Variants in ASXL3 observed in about 807,000 individuals in gnomAD.
ASXL3 encodes ASXL transcriptional regulator 3.
Under a neutral mutation model 170.6 loss-of-function variants are expected in ASXL3, and 34 were observed. The observed-to-expected ratio is 0.20, with a 90% CI of 0.15 to 0.27. The LOEUF (loss-of-function observed/expected upper bound fraction) is 0.27. Among genes scored for constraint, ASXL3 ranks in the 10% least tolerant of loss-of-function variants. ASXL3 has a pLI of 1.00. For missense variants in ASXL3, 2,592 were observed against 2,695.3 expected (o/e 0.96, Z 0.85); for synonymous variants, 1,002 against 989.1 (o/e 1.01, Z -0.24).
At chr18:33,596,216 A>G (rs1437810835) in intron 1 of ASXL3, among the ~76,000 whole-genome samples, 2 of 152,212 alleles carry the variant, frequency 1.3e-5, no homozygotes, top group Non-Finnish European at 2.9e-5. Flanking sequence ...AAGAAGACAT[A>G]TAGCTTAGTT....
chr18:33,647,470 A>G (rs1229448572), intron 4 of ASXL3, among the ~76,000 whole-genome samples: 1 of 151,872 alleles, frequency 6.6e-6, no homozygotes, highest in African/African-American at 2.4e-5. Context: ...GTATCCCCCC[A>G]ATTGTTGTGG....
intron 8 of ASXL3, among the ~76,000 whole-genome samples, chr18:33,711,320 C>T (rs1331942514): frequency 6.6e-6 from 1 of 152,094 alleles, no homozygotes; most frequent in Non-Finnish European, 1.5e-5. Context: ...ATATTCTTCT[C>T]ATTTAATTTT....
chr18:33,658,117 G>A (rs2066112179), intron 4 of ASXL3, among the ~76,000 whole-genome samples: 1 of 152,070 alleles, frequency 6.6e-6, no homozygotes, highest in African/African-American at 2.4e-5. Flanking sequence ...TAAAACATCT[G>A]TCCTAATTCT....
intron 8 of ASXL3, among the ~76,000 whole-genome samples, chr18:33,700,024 G>A (rs2066844250): frequency 6.6e-6 from 1 of 152,048 alleles, no homozygotes; most frequent in Non-Finnish European, 1.5e-5. Context: ...TAAATAAGAT[G>A]TAAGTTAGAG....
At chr18:33,641,600 C>T (rs137862165) in intron 2 of ASXL3, among the ~76,000 whole-genome samples, 20 of 151,984 alleles carry the variant, frequency 1.3e-4, no homozygotes, top group Non-Finnish European at 1.5e-4. Context: ...GGGAAAAAAT[C>T]GAAGCCACCT....
chr18:33,727,490 G>A (rs1235407229), intron 8 of ASXL3, among the ~76,000 whole-genome samples: 2 of 152,074 alleles, frequency 1.3e-5, no homozygotes, highest in Non-Finnish European at 2.9e-5. Flanking sequence ...TACTTACCAA[G>A]AAAGAGTATA....
intron 8 of ASXL3, 42 bp from the exon 9 acceptor site, chr18:33,731,926 T>TA (rs1599554480): frequency 6.4e-7 from 1 of 1,558,898 alleles, no homozygotes; most frequent in East Asian, 2.2e-5. Flanking sequence ...TGCTTTGACT[T>TA]ATTCCTGATG....
intron 7 of ASXL3, among the ~76,000 whole-genome samples, chr18:33,674,923 T>C (rs2066402102): frequency 6.6e-6 from 1 of 152,024 alleles, no homozygotes; most frequent in African/African-American, 2.4e-5. Flanking sequence ...CAGCCACCCA[T>C]GTCTTTTTTA....
chr18:33,711,750 C>G (rs2067068220), intron 8 of ASXL3, among the ~76,000 whole-genome samples: 1 of 151,992 alleles, frequency 6.6e-6, no homozygotes, highest in Admixed American at 6.6e-5. Context: ...TATGGGGATC[C>G]CTTGCAGAGC....
chr18:33,726,896 T>TC (rs1451534446), intron 8 of ASXL3, among the ~76,000 whole-genome samples: 2 of 152,188 alleles, frequency 1.3e-5, no homozygotes, highest in African/African-American at 4.8e-5. Context: ...CTTTCTGCTC[T>TC]CTAGCTCCAA....
intron 9 of ASXL3, among the ~76,000 whole-genome samples, chr18:33,733,600 A>G (rs1367332000): frequency 4.6e-5 from 7 of 152,170 alleles, no homozygotes; most frequent in Admixed American, 2.6e-4. Context: ...TTATTTGGCC[A>G]TATTCCCTCC....
chr18:33,665,626 C>T (rs939281953), intron 5 of ASXL3, among the ~76,000 whole-genome samples: 2 of 152,114 alleles, frequency 1.3e-5, no homozygotes, highest in South Asian at 4.1e-4. Flanking sequence ...CTTAAAATTC[C>T]AAGTTAACAC....
intron 8 of ASXL3, among the ~76,000 whole-genome samples, chr18:33,685,106 A>G (rs1002655369): frequency 1.3e-5 from 2 of 152,188 alleles, no homozygotes; most frequent in Non-Finnish European, 2.9e-5. Context: ...TGGAGCTGTG[A>G]TGTAATAAGA....
At chr18:33,632,784 C>G (rs751666241) in intron 2 of ASXL3, among the ~76,000 whole-genome samples, 4 of 152,196 alleles carry the variant, frequency 2.6e-5, no homozygotes, top group Non-Finnish European at 5.9e-5. Flanking sequence ...TCTAACTGGT[C>G]TGTCTTCTAG....
intron 1 of ASXL3, among the ~76,000 whole-genome samples, chr18:33,600,946 A>G (rs942642175): frequency 6.6e-6 from 1 of 152,130 alleles, no homozygotes; most frequent in Non-Finnish European, 1.5e-5. Context: ...TTGATATTCT[A>G]TATTTTTGAT....
At chr18:33,623,993 T>C (rs2065559693) in intron 2 of ASXL3, among the ~76,000 whole-genome samples, 1 of 151,990 alleles carries the variant, frequency 6.6e-6, no homozygotes, top group South Asian at 2.1e-4. Context: ...ACCCCTTATG[T>C]ACAAAATAAA....
At chr18:33,724,039 G>T (rs1160930321) in intron 8 of ASXL3, among the ~76,000 whole-genome samples, 1 of 152,120 alleles carries the variant, frequency 6.6e-6, no homozygotes, top group African/African-American at 2.4e-5. Context: ...CTACAGTATA[G>T]TGATAGCTTT....
chr18:33,671,651 A>T (rs2066343756), intron 6 of ASXL3, 96 bp from the exon 7 acceptor site: 1 of 1,106,868 alleles, frequency 9.0e-7, no homozygotes, highest in Non-Finnish European at 1.3e-6. Context: ...ACTCTAGAAA[A>T]GGAGATTATA....
At chr18:33,738,196 T>C (rs934824033) in intron 10 of ASXL3, among the ~76,000 whole-genome samples, 6 of 152,096 alleles carry the variant, frequency 3.9e-5, no homozygotes, top group African/African-American at 1.4e-4. Context: ...AATACTTTGT[T>C]GTATGTAATT....
Sources: allele counts gnomAD v4.1 joint callset (sites outside exome capture counted in the v4.1 genomes callset), GRCh38; gene constraint gnomAD v4.1.1; transcripts MANE v1.5; gene names NCBI Gene and HGNC (gene_info 2026-07-23, HGNC 2026-07-21).